The following FUT8 variants were observed in gnomAD, a reference collection of about 807,000 sequenced individuals.
FUT8 encodes alpha-(1,6)-fucosyltransferase.
Under a neutral mutation model 71.3 loss-of-function variants are expected in FUT8, and 29 were observed. The observed-to-expected ratio is 0.41, with a 90% CI of 0.30 to 0.55. FUT8 has a LOEUF of 0.55. FUT8 is among the 20% of genes least tolerant of loss of function. The pLI is 0.34. For missense variants in FUT8, 544 were observed against 702.1 expected, an observed-to-expected ratio of 0.77 and a Z score of 2.55; for synonymous variants, 254 against 239.3, an observed-to-expected ratio of 1.06 and a Z score of -0.57.
chr14:65,633,431 T>A (rs1340568274), intron 6 of FUT8, among the ~76,000 whole-genome samples: 1 of 144,408 alleles, frequency 6.9e-6, no homozygotes, highest in Non-Finnish European at 1.5e-5. Context: ...AGCCTCTGCC[T>A]GGCCGCCACC....
At chr14:65,570,384 T>G (rs1002066979) in intron 3 of FUT8, among the ~76,000 whole-genome samples, 4 of 149,238 alleles carry the variant, frequency 2.7e-5, no homozygotes, top group Middle Eastern at 3.2e-3. Flanking sequence ...TCTAATGCCT[T>G]TAAAAGGATT....
intron 3 of FUT8, among the ~76,000 whole-genome samples, chr14:65,563,044 G>C (rs1006718650): frequency 1.3e-5 from 2 of 151,884 alleles, no homozygotes; most frequent in African/African-American, 4.8e-5. Context: ...ACAATGCTAC[G>C]TGTTAAGACA....
At chr14:65,578,934 G>T (rs1323102925) in intron 3 of FUT8, among the ~76,000 whole-genome samples, 1 of 151,984 alleles carries the variant, frequency 6.6e-6, no homozygotes. Context: ...CTGTTGCTTG[G>T]CGGGGGTATT....
chr14:65,716,503 C>G (rs1201784761), intron 7 of FUT8, among the ~76,000 whole-genome samples: 1 of 151,086 alleles, frequency 6.6e-6, no homozygotes, highest in Non-Finnish European at 1.5e-5. Flanking sequence ...ATCCATTTAA[C>G]CCTGAGTTGA....
intron 7 of FUT8, among the ~76,000 whole-genome samples, chr14:65,694,802 C>T (rs1489151018): frequency 6.8e-6 from 1 of 147,868 alleles, no homozygotes; most frequent in Non-Finnish European, 1.5e-5. Context: ...AACAAAAAAC[C>T]AAACACCGCA....
intron 7 of FUT8, among the ~76,000 whole-genome samples, chr14:65,712,300 A>G (rs1489947921): frequency 6.6e-6 from 1 of 152,242 alleles, no homozygotes; most frequent in Non-Finnish European, 1.5e-5. Context: ...AGTAACATTC[A>G]TGATTTATGG....
chr14:65,499,317 A>G (rs531042053), intron 2 of FUT8, among the ~76,000 whole-genome samples: 1 of 152,240 alleles, frequency 6.6e-6, no homozygotes, highest in South Asian at 2.1e-4. Flanking sequence ...GAATGATTTC[A>G]GAATGTTTGG....
rs558545418 is a variant in FUT8, at chr14:65,616,061, A to G, written c.287A>G (p.Gln96Arg). 1.4e-4 allele frequency: 224 copies of G among 1,613,910 alleles called. 3 individuals carry two copies. The Admixed American group carries it at 3.7e-3, about 26-fold the overall frequency. ...LEEQLVKAKEQIENYKKQTRN... is the reference protein window; with the variant it reads ...LEEQLVKAKERIENYKKQTRN... ...GAGCAGCTTGTTAAGGCCAAAGAAC[A>G]GATTGAAAATTACAAGAAACAGACC... The change falls in exon 4 of 11, where the codon CAG becomes CGG. Residue 96 changes from glutamine to arginine, a missense_variant. Transcript: ENST00000673929.
intron 7 of FUT8, among the ~76,000 whole-genome samples, chr14:65,680,842 A>C (rs945646133): frequency 6.6e-6 from 1 of 152,158 alleles, no homozygotes; most frequent in Non-Finnish European, 1.5e-5. Flanking sequence ...AGTGTATAGA[A>C]ACTCCTTGCT....
rs374632106 is a variant in FUT8, at chr14:65,732,186, T to A, written c.1260-1045T>A. 2.2e-4 allele frequency among the ~76,000 whole-genome samples: 34 copies of A among 152,306 alleles called. No homozygotes were observed. In the South Asian group the frequency reaches 4.6e-3, roughly 20 times the overall value. ...TGGATTTGAACACTGAATAGCAGTC[T>A]GAAACAGTGCTCAGAGACTTTGCCT... On this transcript the variant is annotated intron_variant, in intron 9 of 10. Transcript: ENST00000673929.
At chr14:65,432,580 A>T (rs1313795717) in intron 1 of FUT8, among the ~76,000 whole-genome samples, 2 of 152,158 alleles carry the variant, frequency 1.3e-5, no homozygotes, top group Non-Finnish European at 2.9e-5. Flanking sequence ...GCATTCCCAG[A>T]CAGTTAAGAC....
intron 6 of FUT8, among the ~76,000 whole-genome samples, chr14:65,649,778 A>G (rs1271671937): frequency 1.3e-5 from 2 of 152,254 alleles, no homozygotes; most frequent in Admixed American, 1.3e-4. Context: ...AGATTGTTGA[A>G]AAAAGTTGGT....
intron 3 of FUT8, among the ~76,000 whole-genome samples, chr14:65,594,728 G>A (rs1319368267): frequency 6.6e-6 from 1 of 152,136 alleles, no homozygotes; most frequent in Non-Finnish European, 1.5e-5. Flanking sequence ...AGGGCAGGTT[G>A]CTCTCCCCTG....
chr14:65,463,544 G>A (rs1034523304), intron 2 of FUT8, among the ~76,000 whole-genome samples: 3 of 152,170 alleles, frequency 2.0e-5, no homozygotes, highest in African/African-American at 7.2e-5. Context: ...TGGGATTACA[G>A]GAGTCAGCCA....
chr14:65,605,160 A>C (rs1888514987), intron 3 of FUT8, among the ~76,000 whole-genome samples: 1 of 151,954 alleles, frequency 6.6e-6, no homozygotes, highest in Non-Finnish European at 1.5e-5. Context: ...CCTTGTGGAC[A>C]TGTGCTAAAA....
chr14:65,552,661 A>T (rs181928183), intron 2 of FUT8, among the ~76,000 whole-genome samples: 1 of 152,194 alleles, frequency 6.6e-6, no homozygotes, highest in African/African-American at 2.4e-5. Flanking sequence ...TAATACTTCA[A>T]ATGTGCTCCC....
intron 2 of FUT8, among the ~76,000 whole-genome samples, chr14:65,521,843 G>A (rs1473743768): frequency 6.6e-6 from 1 of 151,122 alleles, no homozygotes; most frequent in Non-Finnish European, 1.5e-5. Flanking sequence ...TGGATGATGA[G>A]AAAGAATTTT....
In FUT8 at chr14:65,722,022, G is replaced by C. The variant is rs1346391742; in HGVS notation, c.1082+1G>C. 6.2e-7 allele frequency: 1 copy of C among 1,613,430 alleles called. No individual in the cohort carries two copies. The highest frequency in any genetic ancestry group is 1.7e-5 in the Admixed American group (1 of 59,908). On this transcript the variant is annotated splice_donor_variant, in intron 8 of 10. Coordinates refer to ENST00000673929, the MANE Select transcript of FUT8 (RefSeq NM_001371533.1). LOFTEE classifies it high-confidence loss of function. ...TTGGCTTCAAACATCCAGTTATTGGGTAAGAATCTGATTTTTTCCCTCAAA... is the reference window on the plus strand; with the variant it reads ...TTGGCTTCAAACATCCAGTTATTGGCTAAGAATCTGATTTTTTCCCTCAAA...
chr14:65,370,695 A>G, the FUT8 span, among the ~76,000 whole-genome samples: 1 of 151,926 alleles, frequency 6.6e-6, no homozygotes, highest in Non-Finnish European at 1.5e-5. Flanking sequence ...TAGAAGAAGA[A>G]AAAACGTTTT....
Sources: allele counts gnomAD v4.1 joint callset (sites outside exome capture counted in the v4.1 genomes callset), GRCh38; gene constraint gnomAD v4.1.1; transcripts MANE v1.5; gene names NCBI Gene and HGNC (gene_info 2026-07-23, HGNC 2026-07-21).